KIFAP3: variants seen among roughly 807,000 people sequenced by gnomAD.
KIFAP3 encodes kinesin-associated protein 3.
In KIFAP3, 68 loss-of-function variants were observed where a neutral mutation model predicts 106.5. The observed-to-expected ratio is 0.64, with a 90% CI of 0.53 to 0.78. The LOEUF is 0.78. KIFAP3 is among the 30% of genes least tolerant of loss of function. The pLI is 0.00. For missense variants in KIFAP3, 780 were observed against 941.8 expected, an observed-to-expected ratio of 0.83 and a Z score of 2.25; for synonymous variants, 320 against 311.5, an observed-to-expected ratio of 1.03 and a Z score of -0.29.
chr1:170,009,692 T>C (rs1257307666), intron 10 of KIFAP3, among the ~76,000 whole-genome samples: 1 of 152,094 alleles, frequency 6.6e-6, no homozygotes, highest in Non-Finnish European at 1.5e-5. Flanking sequence ...TTTGAAACAC[T>C]ATCAGTACAT....
At chr1:170,059,733 A>C (rs1200158753) in intron 1 of KIFAP3, among the ~76,000 whole-genome samples, 2 of 152,232 alleles carry the variant, frequency 1.3e-5, no homozygotes, top group Admixed American at 1.3e-4. Flanking sequence ...TTTTAAACCA[A>C]TATCCCTGAT....
intron 1 of KIFAP3, among the ~76,000 whole-genome samples, chr1:170,058,955 TG>T (rs1388095951): frequency 9.9e-5 from 15 of 151,056 alleles, no homozygotes; most frequent in Non-Finnish European, 2.1e-4. Context: ...GAAATAAAGA[TG>T]TTCTTTAAAA....
chr1:169,942,303 TTAAAA>T lies in KIFAP3; in HGVS notation c.2273+11703_2273+11707del, dbSNP rs1268331302. 2.6e-5 allele frequency among the ~76,000 whole-genome samples: 4 copies of T among 152,328 alleles called. No individual in the cohort carries two copies. The East Asian group carries it at 7.7e-4, about 29-fold the overall frequency. ...AAAAAGGCTTGGTCTTTAAAAAGGA[TTAAAA>T]TAAACTCAATTTATGGAGTCTTGGA... is the stretch of plus-strand genomic sequence containing the variant. On this transcript the variant is annotated intron_variant, in intron 19 of 19. Coordinates refer to ENST00000361580, the MANE Select transcript of KIFAP3 (RefSeq NM_014970.4).
At chr1:169,935,394 T>C (rs1663735115) in intron 19 of KIFAP3, among the ~76,000 whole-genome samples, 1 of 152,038 alleles carries the variant, frequency 6.6e-6, no homozygotes, top group Non-Finnish European at 1.5e-5. Flanking sequence ...TTAAGATCGC[T>C]TTGCCTTTTA....
chr1:169,921,414 T>A lies in KIFAP3; in HGVS notation c.*262A>T. On this transcript the variant is annotated 3_prime_UTR_variant, in exon 20 of 20. Coordinates refer to ENST00000361580, the MANE Select transcript of KIFAP3 (RefSeq NM_014970.4). ...AGTGTTTGTTTTCCAGTCTAGTAGC[T>A]TTTCAGCATTCAGTTTTGTGGCTCA... 1 of 288,616 alleles carries A rather than the reference T, an allele frequency of 3.5e-6. No individual in the cohort carries two copies. Among genetic ancestry groups the A allele is most frequent in the Non-Finnish European group, 6.5e-6 (1 of 153,290 alleles). The allele number at this position is 288,616 out of a possible 1,614,324, so 17.9% of individuals were successfully genotyped here.
At chr1:170,074,790 A>T, upstream of KIFAP3, 1 of 1,202,712 alleles carries the variant, frequency 8.3e-7, no homozygotes, top group Non-Finnish European at 1.0e-6. Context: ...CGCACCGGGG[A>T]GCCGAGCAGG....
intron 16 of KIFAP3, 24 bp downstream of exon 16, chr1:169,978,061 C>T (rs1204612655): frequency 7.1e-7 from 1 of 1,413,140 alleles, no homozygotes; most frequent in South Asian, 1.2e-5. Flanking sequence ...ATATTGTTAT[C>T]TACGGTAAAC....
chr1:170,005,777 C>T (rs1667925186), intron 10 of KIFAP3, among the ~76,000 whole-genome samples: 2 of 150,590 alleles, frequency 1.3e-5, no homozygotes. Context: ...TTAATGGGTG[C>T]AGCACACCAA....
At chr1:169,933,941 CTTCT>C (rs568741442) in intron 19 of KIFAP3, among the ~76,000 whole-genome samples, 33 of 152,194 alleles carry the variant, frequency 2.2e-4, no homozygotes, top group Middle Eastern at 3.4e-3. Flanking sequence ...TTTGACATGA[CTTCT>C]TTCTTTGTAA....
chr1:170,058,903 C>CT (rs1441353994), intron 1 of KIFAP3, among the ~76,000 whole-genome samples: 5 of 152,096 alleles, frequency 3.3e-5, no homozygotes, highest in Non-Finnish European at 5.9e-5. Context: ...CTCAGGTTAA[C>CT]TGCTCCTGAA....
At chr1:170,035,260 T>C (rs565675239) in intron 6 of KIFAP3, among the ~76,000 whole-genome samples, 194 bp downstream of exon 6, 2 of 151,996 alleles carry the variant, frequency 1.3e-5, no homozygotes, top group East Asian at 3.9e-4. Context: ...CATGAGTGGG[T>C]ATAGACTAAA....
chr1:170,021,474 C>G (rs1668821977), intron 9 of KIFAP3, among the ~76,000 whole-genome samples: 1 of 134,078 alleles, frequency 7.5e-6, no homozygotes, highest in Non-Finnish European at 1.5e-5. Context: ...AGGTCTCACT[C>G]TGTCACCCAG....
At chr1:169,946,947 C>T (rs591559) in intron 19 of KIFAP3, among the ~76,000 whole-genome samples, 142,149 of 151,998 alleles carry the variant, frequency 0.94, 66,559 homozygotes, top group East Asian at 0.99. Context: ...ATTTTTTCCT[C>T]ATTAATTAGA....
chr1:170,018,534 TTCAA>T (rs1238654204), intron 9 of KIFAP3, among the ~76,000 whole-genome samples: 4 of 151,490 alleles, frequency 2.6e-5, no homozygotes, highest in East Asian at 2.0e-4. Flanking sequence ...TTTATGATTT[TTCAA>T]TCAAAGGATT....
At chr1:170,060,022 TAGTC>T (rs1180546181) in intron 1 of KIFAP3, among the ~76,000 whole-genome samples, 2 of 152,108 alleles carry the variant, frequency 1.3e-5, no homozygotes, top group African/African-American at 2.4e-5. Context: ...TATATCAAAA[TAGTC>T]AGAGCTATTT....
intron 1 of KIFAP3, among the ~76,000 whole-genome samples, chr1:170,059,454 T>C (rs1671019091): frequency 6.6e-6 from 1 of 152,094 alleles, no homozygotes; most frequent in African/African-American, 2.4e-5. Flanking sequence ...CTCCCAAGAC[T>C]AAACCAGGAA....
At chr1:169,988,831 G>A (rs1666965426) in intron 11 of KIFAP3, among the ~76,000 whole-genome samples, 1 of 151,946 alleles carries the variant, frequency 6.6e-6, no homozygotes, top group South Asian at 2.1e-4. Flanking sequence ...CACATTAGGA[G>A]CAAATATATT....
intron 19 of KIFAP3, among the ~76,000 whole-genome samples, chr1:169,931,970 T>C (rs937165327): frequency 6.6e-6 from 1 of 152,202 alleles, no homozygotes; most frequent in African/African-American, 2.4e-5. Flanking sequence ...TTTTTTAGAC[T>C]GAAATCACTT....
intron 10 of KIFAP3, among the ~76,000 whole-genome samples, chr1:170,011,425 T>C (rs1668236490): frequency 6.6e-6 from 1 of 151,702 alleles, no homozygotes; most frequent in Non-Finnish European, 1.5e-5. Context: ...CCATTGCAAA[T>C]AGAAAAGGTA....
Sources: allele counts gnomAD v4.1 joint callset (sites outside exome capture counted in the v4.1 genomes callset), GRCh38; gene constraint gnomAD v4.1.1; transcripts MANE v1.5; gene names NCBI Gene and HGNC (gene_info 2026-07-23, HGNC 2026-07-21).